The following CASZ1 variants were observed in gnomAD, a reference collection of about 807,000 sequenced individuals.
CASZ1 encodes zinc finger protein castor homolog 1.
A neutral mutation model predicts 135.2 loss-of-function variants in CASZ1; 28 were observed. That is an observed-to-expected ratio of 0.21 (90% CI 0.15 to 0.28). The LOEUF is 0.28. Ranked by LOEUF, CASZ1 falls within the 10% of genes least tolerant of loss-of-function variation. The pLI is 1.00. For missense variants in CASZ1, 2,161 were observed against 2,453.3 expected (o/e 0.88, Z 2.52); for synonymous variants, 1,068 against 1,073.4 (o/e 0.99, Z 0.10).
At chr1:10,716,705 G>A (rs140876406) in intron 2 of CASZ1, among the ~76,000 whole-genome samples, 1 of 152,346 alleles carries the variant, frequency 6.6e-6, no homozygotes, top group East Asian at 1.9e-4. Flanking sequence ...AGGATGGAGG[G>A]GCTCCCCAAG....
At position 10,665,435 on chromosome 1, in the gene CASZ1, G is replaced by C. The variant is rs1052749503; in HGVS notation, c.153C>G (p.Gly51=). The change falls in exon 5 of 21, where the codon GGC becomes GGG. Residue 51 remains glycine (G), a synonymous_variant. Coordinates refer to ENST00000377022, the MANE Select transcript of CASZ1 (RefSeq NM_001079843.3). ...QVVVEKRADA[G]SHTEGSPSQP... is the part of the protein sequence containing the mutation. ...GCGATGGGCTGCCCTCCGTGTGGGA[G>C]CCGGCGTCAGCTCGCTTCTCCACCA... 6.2e-7 allele frequency: 1 copy of C among 1,611,744 alleles called. No individual in the cohort carries two copies. The highest frequency in any genetic ancestry group is 8.5e-7 in the Non-Finnish European group (1 of 1,179,794).
At chr1:10,790,357 T>C (rs1570596267) in intron 1 of CASZ1, among the ~76,000 whole-genome samples, 1 of 152,142 alleles carries the variant, frequency 6.6e-6, no homozygotes, top group East Asian at 1.9e-4. Flanking sequence ...CTAATGAAAT[T>C]ACGGTTTTTA....
chr1:10,729,750 T>A (rs929110744), intron 2 of CASZ1, among the ~76,000 whole-genome samples: 18 of 152,116 alleles, frequency 1.2e-4, no homozygotes, highest in Non-Finnish European at 2.2e-4. Flanking sequence ...CAGCAGTGTG[T>A]GAGAAGGCAT....
chr1:10,790,111 G>A (rs1393915387), intron 1 of CASZ1, among the ~76,000 whole-genome samples: 2 of 152,140 alleles, frequency 1.3e-5, no homozygotes, highest in Admixed American at 1.3e-4. Flanking sequence ...GAGCGGCGTG[G>A]CAGCCAGAGG....
rs201939418 is a variant in CASZ1 at position 10,767,950 on chromosome 1, T to C, written c.-233-7093A>G. ...GTCACCCACCATTGCAAGGTCTTCC[T>C]GGAGCAGACCCCAGACCTGGGACCC... On this transcript the variant is annotated intron_variant, in intron 1 of 20. Transcript: ENST00000377022. This position sits in a 1 kb window ranked among gnomAD's most constrained non-coding sequence, Gnocchi z 4.2. Among the ~76,000 whole-genome samples, 12 of 152,304 alleles carry C rather than the reference T, an allele frequency of 7.9e-5. No homozygotes were observed. The East Asian group carries it at 2.3e-3, about 29-fold the overall frequency.
intron 3 of CASZ1, chr1:10,704,360 A>G (rs1639124469): frequency 6.5e-6 from 1 of 152,880 alleles, no homozygotes; most frequent in Non-Finnish European, 1.5e-5. Context: ...AGCTGTAACC[A>G]GGGTGGTGCT....
At chr1:10,743,228 T>C (rs998995146) in intron 2 of CASZ1, among the ~76,000 whole-genome samples, 5 of 151,862 alleles carry the variant, frequency 3.3e-5, no homozygotes, top group African/African-American at 1.2e-4. Flanking sequence ...CAGGGGATTC[T>C]GGGCGAAATC....
chr1:10,654,610 T>C lies in CASZ1; in HGVS notation c.1666-19A>G, dbSNP rs1347488722. On this transcript the variant is annotated intron_variant, in intron 9 of 20. Transcript: ENST00000377022. The stretch of plus-strand genomic sequence containing the variant: ...AGCCCACCTGCACAGGACGGGATGG[T>C]GGTCAGGCGAACGGAGGCCAGGTGC... 3.1e-6 allele frequency: 5 copies of C among 1,609,574 alleles called. No homozygotes were observed. Among genetic ancestry groups the C allele is most frequent in the African/African-American group, 1.3e-5 (1 of 74,910 alleles).
chr1:10,769,169 A>G (rs1329263617), intron 1 of CASZ1, among the ~76,000 whole-genome samples: 1 of 152,194 alleles, frequency 6.6e-6, no homozygotes, highest in Non-Finnish European at 1.5e-5. Flanking sequence ...AACTCAAGCC[A>G]GTAAGAGAAT....
chr1:10,764,893 A>T (rs1189728281), intron 1 of CASZ1, among the ~76,000 whole-genome samples: 1 of 152,122 alleles, frequency 6.6e-6, no homozygotes, highest in African/African-American at 2.4e-5. Context: ...CATCTTCCAA[A>T]TGGGGTCTGG....
chr1:10,637,678 G>C lies in CASZ1; in HGVS notation c.*1264C>G, dbSNP rs1478495537. 1.3e-5 allele frequency: 2 copies of C among 152,366 alleles called. No individual in the cohort carries two copies. Among genetic ancestry groups the C allele is most frequent in the Admixed American group, 1.3e-4 (2 of 15,292 alleles). 9.4% of individuals were successfully genotyped at this position (152,366 alleles called of 1,614,324 possible). A position where few individuals can be genotyped will look rare whatever the true frequency, so the allele number is the denominator to read the frequency against. ...CGGGGACCTCAGAGCCACTGGCCAG[G>C]TGTGTGCCTGCCAGGTCAGGCCCTG... On this transcript the variant is annotated 3_prime_UTR_variant, in exon 21 of 21. Coordinates refer to ENST00000377022, the MANE Select transcript of CASZ1 (RefSeq NM_001079843.3).
intron 2 of CASZ1, among the ~76,000 whole-genome samples, chr1:10,715,994 T>A (rs1462715660): frequency 3.2e-3 from 129 of 39,698 alleles, no homozygotes; most frequent in Non-Finnish European, 3.4e-3. Context: ...CCCAATCCGC[T>A]CCCCACAGCA....
At chr1:10,718,681 G>A (rs1405820674) in intron 2 of CASZ1, among the ~76,000 whole-genome samples, 1 of 152,184 alleles carries the variant, frequency 6.6e-6, no homozygotes, top group Admixed American at 6.5e-5. Context: ...CCATGCTTTA[G>A]CCCAGGAGAC....
Position 10,707,908 on chromosome 1 carries a change from C to A in CASZ1, c.-76-2364G>T, listed in dbSNP as rs145186780. Among the ~76,000 whole-genome samples the A allele has an allele frequency of 8.5e-4, 129 of 152,240 alleles. 1 individual carries two copies. Among genetic ancestry groups the A allele is most frequent in the Non-Finnish European group, 1.6e-3 (112 of 68,016 alleles). On this transcript the variant is annotated intron_variant, in intron 2 of 20. Transcript: ENST00000377022. This position sits in a 1 kb window ranked among gnomAD's most constrained non-coding sequence, Gnocchi z 5.0. Reference sequence around the variant, plus strand: ...CACAGTACTGGGAAGACCCAGAGGACAGCAGGGGCCCTACACTCAGCGGGG... The same window carrying A: ...CACAGTACTGGGAAGACCCAGAGGAAAGCAGGGGCCCTACACTCAGCGGGG...
At position 10,788,571 on chromosome 1, in the gene CASZ1, C is replaced by T. The variant is rs1640899549; in HGVS notation, c.-234+7993G>A. Among the ~76,000 whole-genome samples, 1 of 152,212 alleles carries T rather than the reference C, an allele frequency of 6.6e-6. No individual in the cohort carries two copies. The highest frequency in any genetic ancestry group is 2.4e-5 in the African/African-American group (1 of 41,448). On this transcript the variant is annotated intron_variant, in intron 1 of 20. Coordinates refer to ENST00000377022, the MANE Select transcript of CASZ1 (RefSeq NM_001079843.3). This position sits in a 1 kb window ranked among gnomAD's most constrained non-coding sequence, Gnocchi z 4.1. ...TGGATTCAAAAGAAGGGAAGAAGCA[C>T]AGCCCAGAGACTGCCCGCCGTCAAA...
chr1:10,725,270 G>A lies in CASZ1; in HGVS notation c.-76-19726C>T, dbSNP rs1041655361. On this transcript the variant is annotated intron_variant, in intron 2 of 20. Transcript: ENST00000377022. This position sits in a 1 kb window ranked among gnomAD's most constrained non-coding sequence, Gnocchi z 4.4. The stretch of plus-strand genomic sequence containing the variant: ...TAGGCTGGGTGCCAGGCGTCTGCCA[G>A]GCCCCTCCACCGTGCCAATGCCAAC... 6.6e-6 allele frequency among the ~76,000 whole-genome samples: 1 copy of A among 152,230 alleles called. No individual in the cohort carries two copies. The highest frequency in any genetic ancestry group is 1.5e-5 in the Non-Finnish European group (1 of 68,036).
At chr1:10,708,088 T>C (rs773051377) in intron 2 of CASZ1, among the ~76,000 whole-genome samples, 1 of 152,302 alleles carries the variant, frequency 6.6e-6, no homozygotes, top group Middle Eastern at 3.4e-3. Context: ...TCTTAAGTAC[T>C]CTGGCCAAAA....
chr1:10,670,556 T>C (rs1643368233), intron 4 of CASZ1, among the ~76,000 whole-genome samples: 1 of 152,222 alleles, frequency 6.6e-6, no homozygotes, highest in Non-Finnish European at 1.5e-5. Flanking sequence ...GAGTACCGTG[T>C]ACAGACCAGA....
At position 10,788,221 on chromosome 1, in the gene CASZ1, C is replaced by T. The variant is rs1441244608; in HGVS notation, c.-234+8343G>A. 2.0e-5 allele frequency among the ~76,000 whole-genome samples: 3 copies of T among 152,150 alleles called. No individual in the cohort carries two copies. The highest frequency in any genetic ancestry group is 4.4e-5 in the Non-Finnish European group (3 of 68,028). ...CTGCCTTTGGCTTGGTGAGGGGCATCGCTACCTGAGCAGGTGGGGTTCCTC... is the reference window on the plus strand; with the variant it reads ...CTGCCTTTGGCTTGGTGAGGGGCATTGCTACCTGAGCAGGTGGGGTTCCTC... On this transcript the variant is annotated intron_variant, in intron 1 of 20. Coordinates refer to ENST00000377022, the MANE Select transcript of CASZ1 (RefSeq NM_001079843.3). The surrounding 1 kb of genome is among the most constrained non-coding windows in gnomAD (Gnocchi z 4.1).
Sources: allele counts gnomAD v4.1 joint callset (sites outside exome capture counted in the v4.1 genomes callset), GRCh38; gene constraint gnomAD v4.1.1; non-coding constraint Gnocchi (gnomAD v3.1); transcripts MANE v1.5; gene names NCBI Gene and HGNC (gene_info 2026-07-23, HGNC 2026-07-21).